MARCHF1: variants seen among roughly 807,000 people sequenced by gnomAD.
MARCHF1 encodes E3 ubiquitin-protein ligase MARCHF1.
MARCHF1 carries 40 observed loss-of-function variants against 54.2 expected under a neutral mutation model. The observed-to-expected ratio is 0.74, with a 90% confidence interval of 0.57 to 0.96. The LOEUF is 0.96. MARCHF1 is among the 40% of genes least tolerant of loss of function. MARCHF1 has a pLI of 0.00. For synonymous variants in MARCHF1, 236 were observed against 236.3 expected (o/e 1.00, Z 0.01); for missense variants, 586 against 656.5 (o/e 0.89, Z 1.17).
intron 1 of MARCHF1, among the ~76,000 whole-genome samples, chr4:164,275,280 C>T (rs569013026): frequency 6.6e-6 from 1 of 152,218 alleles, no homozygotes; most frequent in Admixed American, 6.5e-5. Context: ...TTCCTAGAAA[C>T]TGTTTTCCTC....
At chr4:164,174,079 C>T (rs939511996) in intron 1 of MARCHF1, among the ~76,000 whole-genome samples, 24 of 152,296 alleles carry the variant, frequency 1.6e-4, no homozygotes, top group Non-Finnish European at 3.1e-4. Flanking sequence ...GTCAATACTT[C>T]CTTCTGAATT....
intron 2 of MARCHF1, among the ~76,000 whole-genome samples, chr4:164,068,308 C>G (rs936341487): frequency 1.3e-5 from 2 of 152,144 alleles, no homozygotes; most frequent in African/African-American, 4.8e-5. Context: ...CTTGAGGAGC[C>G]CTTCAGCCCA....
At chr4:164,109,930 A>AAAAAAAAAAAAAAAT (rs1755798215) in intron 2 of MARCHF1, among the ~76,000 whole-genome samples, 1 of 149,840 alleles carries the variant, frequency 6.7e-6, no homozygotes, top group African/African-American at 2.4e-5. Flanking sequence ...AAAAAAAAAA[A>AAAAAAAAAAAAAAAT]AAAAAAGAAA....
At chr4:163,925,064 G>T (rs1160059061) in intron 3 of MARCHF1, among the ~76,000 whole-genome samples, 1 of 151,590 alleles carries the variant, frequency 6.6e-6, no homozygotes, top group Non-Finnish European at 1.5e-5. Context: ...TTTGAATTTG[G>T]TCCCCTTAAG....
intron 2 of MARCHF1, among the ~76,000 whole-genome samples, chr4:164,004,236 TGTTTAC>T (rs1753241285): frequency 7.6e-6 from 1 of 131,784 alleles, no homozygotes; most frequent in Non-Finnish European, 1.7e-5. Context: ...CCATGGCACA[TGTTTAC>T]ATACATATAT....
At chr4:163,878,323 T>A (rs1174217759) in intron 3 of MARCHF1, among the ~76,000 whole-genome samples, 1 of 152,222 alleles carries the variant, frequency 6.6e-6, no homozygotes, top group Non-Finnish European at 1.5e-5. Context: ...TGCATATGAA[T>A]CTGTCATTGT....
intron 5 of MARCHF1, among the ~76,000 whole-genome samples, chr4:163,696,333 G>A (rs1320052152): frequency 6.6e-6 from 1 of 152,082 alleles, no homozygotes; most frequent in Admixed American, 6.6e-5. Flanking sequence ...TTTCACAGTA[G>A]CAAGATCATG....
At chr4:164,086,459 G>A (rs560314424) in intron 2 of MARCHF1, among the ~76,000 whole-genome samples, 13 of 151,816 alleles carry the variant, frequency 8.6e-5, no homozygotes, top group Non-Finnish European at 1.3e-4. Context: ...GTTTCATCAC[G>A]AAAAGTTCAA....
rs115746030 is a variant in MARCHF1, at chr4:163,718,863, C to T, written c.112-18000G>A. On this transcript the variant is annotated intron_variant, in intron 4 of 9. Coordinates refer to ENST00000514618, the MANE Select transcript of MARCHF1 (RefSeq NM_001394959.1). ...GACTCTTCTCTGATATTGTTCCAGC[C>T]GTAGGTGTTAGCATCTGCTATTGTA... Among the ~76,000 whole-genome samples, 434 of 152,208 alleles carry T rather than the reference C, an allele frequency of 2.9e-3. 7 individuals are homozygous for T. Among genetic ancestry groups the T allele is most frequent in the Middle Eastern group, 0.014 (4 of 294 alleles).
chr4:163,965,372 G>C (rs918497298), intron 3 of MARCHF1, among the ~76,000 whole-genome samples: 2 of 151,810 alleles, frequency 1.3e-5, no homozygotes, highest in Admixed American at 1.3e-4. Flanking sequence ...CCTCATGCAC[G>C]CTCTACACAG....
intron 4 of MARCHF1, among the ~76,000 whole-genome samples, chr4:163,711,172 C>T (rs1345930965): frequency 6.6e-6 from 1 of 152,014 alleles, no homozygotes; most frequent in African/African-American, 2.4e-5. Context: ...CTTAAGTTCA[C>T]CCAAAGGAAA....
chr4:163,888,705 C>G (rs1472115470), intron 3 of MARCHF1, among the ~76,000 whole-genome samples: 1 of 152,138 alleles, frequency 6.6e-6, no homozygotes, highest in Non-Finnish European at 1.5e-5. Context: ...AAATCATTTT[C>G]TAAGCCTATA....
At chr4:163,939,730 C>G (rs1458124269) in intron 3 of MARCHF1, among the ~76,000 whole-genome samples, 1 of 152,122 alleles carries the variant, frequency 6.6e-6, no homozygotes, top group Admixed American at 6.6e-5. Flanking sequence ...TGAAAGATGG[C>G]CTTTTGACAC....
intron 3 of MARCHF1, among the ~76,000 whole-genome samples, chr4:163,900,707 A>T (rs1192706667): frequency 1.3e-5 from 2 of 152,076 alleles, no homozygotes; most frequent in East Asian, 3.9e-4. Flanking sequence ...CTCATTTTAG[A>T]TATTTTGTCT....
At chr4:164,040,529 TAA>T (rs891500325) in intron 2 of MARCHF1, among the ~76,000 whole-genome samples, 2 of 150,614 alleles carry the variant, frequency 1.3e-5, no homozygotes, top group African/African-American at 4.9e-5. Context: ...TTTAAAAAGA[TAA>T]AGTTTTTTTT....
intron 1 of MARCHF1, among the ~76,000 whole-genome samples, chr4:164,377,978 T>C (rs1403218359): frequency 6.6e-6 from 1 of 152,168 alleles, no homozygotes; most frequent in Non-Finnish European, 1.5e-5. Flanking sequence ...TATTATCAGT[T>C]AAAAATAATG....
intron 1 of MARCHF1, among the ~76,000 whole-genome samples, chr4:164,327,439 G>A (rs559848139): frequency 1.3e-5 from 2 of 152,272 alleles, no homozygotes; most frequent in African/African-American, 4.8e-5. Context: ...GCAACAGGTG[G>A]AGCTAAAGTC....
intron 1 of MARCHF1, among the ~76,000 whole-genome samples, chr4:164,372,459 A>G (rs1441143835): frequency 6.6e-6 from 1 of 152,184 alleles, no homozygotes; most frequent in Non-Finnish European, 1.5e-5. Context: ...CATTTCTGGA[A>G]AGAAGTCAAT....
At chr4:163,585,680 A>AAAT in intron 8 of MARCHF1, 69 bp downstream of exon 8, 1 of 1,274,806 alleles carries the variant, frequency 7.8e-7, no homozygotes, top group Non-Finnish European at 1.1e-6. Flanking sequence ...TTGGCAAAGG[A>AAAT]AATAGATTTC....
Sources: gnomAD v4.1 joint callset for allele counts (sites outside exome capture counted in the v4.1 genomes callset) on GRCh38, gnomAD v4.1.1 for gene constraint, MANE v1.5 for transcripts, NCBI Gene and HGNC (gene_info 2026-07-23, HGNC 2026-07-21) for gene names.